The following CRTC1 variants were observed in gnomAD, a reference collection of about 807,000 sequenced individuals.
CRTC1 encodes the protein CREB-regulated transcription coactivator 1.
A neutral mutation model predicts 66.1 loss-of-function variants in CRTC1; 18 were observed. The ratio of observed to expected loss-of-function variants is 0.27; its 90% CI spans 0.19 to 0.40. The LOEUF is 0.40. Ranked by LOEUF, CRTC1 falls within the 10% of genes least tolerant of loss-of-function variation. The probability of loss-of-function intolerance (pLI) is 1.00; values close to 1 mark genes in which losing one functional copy is unlikely to be tolerated. For synonymous variants in CRTC1, 416 were observed against 398.8 expected (o/e 1.04, Z -0.51); for missense variants, 669 against 887.9 (o/e 0.75, Z 3.13).
intron 1 of CRTC1, among the ~76,000 whole-genome samples, chr19:18,739,705 C>A (rs967666864): frequency 6.6e-6 from 1 of 152,182 alleles, no homozygotes; most frequent in African/African-American, 2.4e-5. Context: ...AGTGCAGTGA[C>A]ATCTGGCCGT....
chr19:18,755,805 G>A (rs528737688), intron 6 of CRTC1, among the ~76,000 whole-genome samples: 9 of 151,182 alleles, frequency 6.0e-5, no homozygotes, highest in Non-Finnish European at 1.2e-4. Context: ...AGCTTACTTC[G>A]TTGCCCAGGC....
intron 6 of CRTC1, among the ~76,000 whole-genome samples, chr19:18,755,893 C>T (rs181133399): frequency 2.8e-4 from 43 of 152,202 alleles, no homozygotes; most frequent in Admixed American, 2.7e-3. Context: ...TGAGCCACCT[C>T]GCCTGGCCTA....
At chr19:18,766,913 C>T (rs1227800054) in intron 9 of CRTC1, among the ~76,000 whole-genome samples, 2 of 152,170 alleles carry the variant, frequency 1.3e-5, no homozygotes, top group Non-Finnish European at 2.9e-5. Context: ...TTTAATTCCT[C>T]TTTAAAAGTT....
At position 18,749,886 on chromosome 19, in the gene CRTC1, G is replaced by A. The variant is rs370802052; in HGVS notation, c.538+11G>A. 5.3e-5 allele frequency: 85 copies of A among 1,610,496 alleles called. No individual in the cohort carries two copies. The African/African-American group carries it at 1.0e-3, about 19-fold the overall frequency. ...TGCACCAGAAAAGAGGTATGGACAG[G>A]GGACTCGGGTGTCTCTGCTGGGGTG... is the stretch of plus-strand genomic sequence containing the variant. On this transcript the variant is annotated intron_variant, in intron 5 of 13. Coordinates refer to ENST00000321949, the MANE Select transcript of CRTC1 (RefSeq NM_015321.3).
At chr19:18,744,780 C>A (rs530965656) in intron 2 of CRTC1, among the ~76,000 whole-genome samples, 1 of 152,170 alleles carries the variant, frequency 6.6e-6, no homozygotes, top group Non-Finnish European at 1.5e-5. Context: ...ACGGAAAGAC[C>A]CAAACCAGCA....
intron 1 of CRTC1, among the ~76,000 whole-genome samples, chr19:18,686,739 CA>C (rs2052692669): frequency 1.3e-5 from 2 of 151,924 alleles, no homozygotes; most frequent in African/African-American, 4.9e-5. Flanking sequence ...CACCTGGGGT[CA>C]GGGGAGCATG....
intron 9 of CRTC1, among the ~76,000 whole-genome samples, chr19:18,767,384 A>G (rs1374318498): frequency 6.6e-6 from 1 of 152,040 alleles, no homozygotes. Context: ...TTTTTAGTAG[A>G]GACAGAGTTT....
chr19:18,734,151 T>C (rs1231497769), intron 1 of CRTC1, among the ~76,000 whole-genome samples: 6 of 148,236 alleles, frequency 4.0e-5, no homozygotes, highest in Non-Finnish European at 7.5e-5. Context: ...AGGAAACGGA[T>C]TAGTGGCTGC....
intron 6 of CRTC1, among the ~76,000 whole-genome samples, chr19:18,755,794 G>A (rs896485999): frequency 1.3e-5 from 2 of 151,430 alleles, no homozygotes; most frequent in East Asian, 2.0e-4. Context: ...ATAGAGACAG[G>A]AGCTTACTTC....
chr19:18,725,969 C>T (rs980762241), intron 1 of CRTC1, among the ~76,000 whole-genome samples: 2 of 152,244 alleles, frequency 1.3e-5, no homozygotes, highest in Non-Finnish European at 2.9e-5. Context: ...TCTGCCTGTG[C>T]CCATGCAGAT....
chr19:18,745,633 A>G (rs1292757600), intron 2 of CRTC1, among the ~76,000 whole-genome samples, 190 bp from the exon 3 acceptor site: 2 of 151,518 alleles, frequency 1.3e-5, no homozygotes, highest in Non-Finnish European at 2.9e-5. Context: ...CCCCCTCCCT[A>G]CCCCCCAGTG....
intron 6 of CRTC1, among the ~76,000 whole-genome samples, chr19:18,756,073 C>A (rs2054477972): frequency 6.6e-6 from 1 of 152,068 alleles, no homozygotes; most frequent in South Asian, 2.1e-4. Flanking sequence ...GTGGCTTACG[C>A]CTGTAATCCC....
rs2055068892 is a variant in CRTC1, at chr19:18,779,830, G to C, written c.*2448G>C. On this transcript the variant is annotated 3_prime_UTR_variant, in exon 14 of 14. Coordinates refer to ENST00000321949, the MANE Select transcript of CRTC1 (RefSeq NM_015321.3). ...TTTTCCAATAAGAACCTGGTGGACC[G>C]AGGTCCGAGCTTGCCAGGGACAGTG... is the stretch of plus-strand genomic sequence containing the variant. 4.4e-6 allele frequency: 1 copy of C among 225,986 alleles called. No homozygotes were observed. The highest frequency in any genetic ancestry group is 8.8e-6 in the Non-Finnish European group (1 of 113,794). 14.0% of individuals were successfully genotyped at this position (225,986 alleles called of 1,614,324 possible). A position where few individuals can be genotyped will look rare whatever the true frequency, so the allele number is the denominator to read the frequency against.
chr19:18,735,271 G>A (rs190908171), intron 1 of CRTC1, among the ~76,000 whole-genome samples: 2 of 152,316 alleles, frequency 1.3e-5, no homozygotes, highest in African/African-American at 4.8e-5. Flanking sequence ...TCTTGTCCCT[G>A]TCTCCCTTCT....
In CRTC1 at chr19:18,714,079, C is replaced by T. The variant is rs117621278; in HGVS notation, c.127-28831C>T. ...GGGCACACCAGGCCCCACACAAGCC[C>T]ATACTGTCCTTACACGTATGCATGA... On this transcript the variant is annotated intron_variant, in intron 1 of 13. Transcript: ENST00000321949. Among the ~76,000 whole-genome samples, 939 of 152,326 alleles carry T rather than the reference C, an allele frequency of 6.2e-3. 8 individuals carry two copies. Among genetic ancestry groups the T allele is most frequent in the Non-Finnish European group, 8.4e-3 (568 of 68,020 alleles).
At chr19:18,766,850 C>T (rs2054748509) in intron 9 of CRTC1, among the ~76,000 whole-genome samples, 1 of 152,198 alleles carries the variant, frequency 6.6e-6, no homozygotes, top group South Asian at 2.1e-4. Context: ...ATCAATGCAG[C>T]TTCATAGAAT....
At chr19:18,728,134 C>T (rs574942412) in intron 1 of CRTC1, among the ~76,000 whole-genome samples, 9 of 152,264 alleles carry the variant, frequency 5.9e-5, no homozygotes, top group Non-Finnish European at 8.8e-5. Flanking sequence ...TGATATCATG[C>T]CCAAGAGTTG....
In CRTC1 at chr19:18,774,919, G is replaced by T; in HGVS notation, c.1445G>T (p.Ser482Ile). 1 of 1,610,962 alleles carries T rather than the reference G, an allele frequency of 6.2e-7. No homozygotes were observed. Residue 482 changes from serine to isoleucine, a missense_variant, in exon 12 of 14, where the codon AGC becomes ATC. Physicochemically the swap from Ser to Ile is moderately radical, Grantham distance 142. Coordinates refer to ENST00000321949, the MANE Select transcript of CRTC1 (RefSeq NM_015321.3). The part of the protein sequence containing the change: ...SSPQHTSTLG[S>I]VFGDAYYEQQ... The stretch of plus-strand genomic sequence containing the variant: ...CTGCAGCACACTTCCACCCTGGGCA[G>T]CGTGTTTGGGGACGCGTACTATGAG...
At chr19:18,711,410 C>T (rs1435526369) in intron 1 of CRTC1, among the ~76,000 whole-genome samples, 1 of 152,132 alleles carries the variant, frequency 6.6e-6, no homozygotes, top group Non-Finnish European at 1.5e-5. Context: ...ATGCATCCAT[C>T]GCCTGCCAGG....
Sources: gnomAD v4.1 joint callset for allele counts (sites outside exome capture counted in the v4.1 genomes callset) on GRCh38, gnomAD v4.1.1 for gene constraint, MANE v1.5 for transcripts, NCBI Gene and HGNC (gene_info 2026-07-23, HGNC 2026-07-21) for gene names.